Variants in ARHGAP35 observed in about 807,000 individuals in gnomAD.
ARHGAP35 encodes rho GTPase-activating protein 35.
In ARHGAP35, 15 loss-of-function variants were observed where a neutral mutation model predicts 111.1. The observed-to-expected ratio is 0.13, with a 90% CI of 0.09 to 0.21. ARHGAP35 has a LOEUF of 0.21. ARHGAP35 is among the 10% of genes least tolerant of loss of function. ARHGAP35 has a pLI of 1.00. For missense variants in ARHGAP35, 1,262 were observed against 1,873.0 expected (o/e 0.67, Z 6.02); for synonymous variants, 643 against 710.3 (o/e 0.91, Z 1.51).
intron 3 of ARHGAP35, among the ~76,000 whole-genome samples, chr19:46,974,218 A>G (rs1057273528): frequency 1.7e-4 from 26 of 152,174 alleles, no homozygotes; most frequent in Admixed American, 7.9e-4. Context: ...GTGTCTGTCT[A>G]GCAATTCATT....
chr19:46,910,997 C>T (rs1028617963), intron 1 of ARHGAP35, among the ~76,000 whole-genome samples: 5 of 152,170 alleles, frequency 3.3e-5, no homozygotes, highest in Middle Eastern at 3.2e-3. Flanking sequence ...TGAGCCACTG[C>T]GCCCTGCTCG....
In ARHGAP35 at chr19:46,918,459, T is replaced by C. The variant is rs144635535; in HGVS notation, c.-188-29T>C. On this transcript the variant is annotated intron_variant, in intron 1 of 6. Coordinates refer to ENST00000672722, the MANE Select transcript of ARHGAP35 (RefSeq NM_004491.5). This position sits in a 1 kb window ranked among gnomAD's most constrained non-coding sequence, Gnocchi z 5.4. ...TTTGGTTCTAAAATTATGATGCTGA[T>C]GGGTTTTCTTTTTTTTTCCCCCATC... 5.9e-3 allele frequency among the ~76,000 whole-genome samples: 892 copies of C among 152,304 alleles called. 2 individuals carry two copies. Among genetic ancestry groups the C allele is most frequent in the Non-Finnish European group, 9.2e-3 (629 of 68,022 alleles).
chr19:46,896,650 T>C (rs2056058298), intron 1 of ARHGAP35, among the ~76,000 whole-genome samples: 1 of 152,198 alleles, frequency 6.6e-6, no homozygotes, highest in Non-Finnish European at 1.5e-5. Flanking sequence ...GCCACGTGTG[T>C]GGGCCTCAGA....
At chr19:46,991,890 A>G (rs1327789833) in intron 5 of ARHGAP35, among the ~76,000 whole-genome samples, 1 of 152,212 alleles carries the variant, frequency 6.6e-6, no homozygotes, top group East Asian at 1.9e-4. Context: ...AATCCCTGAG[A>G]GCAATTGTGT....
At chr19:46,916,479 G>A (rs1364387186) in intron 1 of ARHGAP35, among the ~76,000 whole-genome samples, 2 of 152,006 alleles carry the variant, frequency 1.3e-5, no homozygotes, top group Non-Finnish European at 2.9e-5. Flanking sequence ...GCTGGGCTTG[G>A]GGACCTTTTA....
intron 3 of ARHGAP35, among the ~76,000 whole-genome samples, chr19:46,953,088 T>C (rs1296070335): frequency 6.6e-6 from 1 of 152,214 alleles, no homozygotes; most frequent in African/African-American, 2.4e-5. Flanking sequence ...CAAGTATATA[T>C]TGAGCATCTT....
intron 1 of ARHGAP35, among the ~76,000 whole-genome samples, chr19:46,861,466 C>CCCCCAT (rs2055826672): frequency 6.7e-6 from 1 of 148,156 alleles, no homozygotes; most frequent in Non-Finnish European, 1.5e-5. Flanking sequence ...CCCGCCGCCG[C>CCCCCAT]CCCCATCCCC....
chr19:46,970,378 A>G (rs1440666745), intron 3 of ARHGAP35, among the ~76,000 whole-genome samples: 1 of 152,152 alleles, frequency 6.6e-6, no homozygotes, highest in Non-Finnish European at 1.5e-5. Context: ...GGGGAGAGCA[A>G]ACTCACACCC....
intron 1 of ARHGAP35, among the ~76,000 whole-genome samples, chr19:46,915,650 G>C (rs2056158595): frequency 6.6e-6 from 1 of 152,150 alleles, no homozygotes; most frequent in Non-Finnish European, 1.5e-5. Context: ...ACATAAATGA[G>C]ATTCAGAAGA....
At chr19:46,944,949 T>G (rs1379687053) in intron 3 of ARHGAP35, among the ~76,000 whole-genome samples, 1 of 152,134 alleles carries the variant, frequency 6.6e-6, no homozygotes, top group African/African-American at 2.4e-5. Flanking sequence ...CTTCTGAAAA[T>G]CAGAATGTGG....
In ARHGAP35 at chr19:46,862,536, A is replaced by C. The variant is rs571971314; in HGVS notation, c.-189+1327A>C. On this transcript the variant is annotated intron_variant, in intron 1 of 6. Coordinates refer to ENST00000672722, the MANE Select transcript of ARHGAP35 (RefSeq NM_004491.5). The stretch of plus-strand genomic sequence containing the variant: ...GTCACCCATCCCCTTCCTGTTCTGC[A>C]TCTCACAGACCTGCCCCTAGATCCA... Among the ~76,000 whole-genome samples the C allele has an allele frequency of 1.1e-4, 16 of 151,772 alleles. No individual in the cohort carries two copies. In the South Asian group the frequency reaches 1.9e-3, roughly 18 times the overall value.
At chr19:46,917,895 G>A (rs200499246) in intron 1 of ARHGAP35, among the ~76,000 whole-genome samples, 1 of 152,012 alleles carries the variant, frequency 6.6e-6, no homozygotes, top group Non-Finnish European at 1.5e-5. Context: ...TGTATTTTTA[G>A]TACAGACGGG....
intron 3 of ARHGAP35, among the ~76,000 whole-genome samples, chr19:46,973,437 T>G (rs1301297271): frequency 1.3e-5 from 2 of 152,074 alleles, no homozygotes; most frequent in African/African-American, 4.8e-5. Flanking sequence ...ATCCCTGTAA[T>G]CCCAGCACTT....
intron 1 of ARHGAP35, among the ~76,000 whole-genome samples, chr19:46,912,831 C>T (rs2056145221): frequency 6.6e-6 from 1 of 151,686 alleles, no homozygotes; most frequent in Admixed American, 6.6e-5. Context: ...AAGTGTCTAC[C>T]AAATGCAAAC....
chr19:46,987,841 A>G, intron 3 of ARHGAP35, 148 bp from the exon 4 acceptor site: 1 of 645,882 alleles, frequency 1.5e-6, no homozygotes, highest in South Asian at 2.0e-5. Flanking sequence ...ATCTAGAAAA[A>G]TCAAACGAGA....
At chr19:46,982,214 T>G (rs1054960226) in intron 3 of ARHGAP35, among the ~76,000 whole-genome samples, 8 of 151,250 alleles carry the variant, frequency 5.3e-5, no homozygotes, top group Non-Finnish European at 1.2e-4. Flanking sequence ...CGGTGGCTCA[T>G]GCCTGTAATC....
chr19:46,865,044 A>G (rs11668390), intron 1 of ARHGAP35, among the ~76,000 whole-genome samples: 9,603 of 152,260 alleles, frequency 0.063, 442 homozygotes, highest in East Asian at 0.17. Context: ...TTCCACCTTA[A>G]CTGGTAACCG....
Position 46,901,750 on chromosome 19 carries a change from T to C in ARHGAP35, c.-188-16738T>C, listed in dbSNP as rs1389790939. On this transcript the variant is annotated intron_variant, in intron 1 of 6. Transcript: ENST00000672722. The surrounding 1 kb of genome is among the most constrained non-coding windows in gnomAD (Gnocchi z 4.5). The stretch of plus-strand genomic sequence containing the variant: ...CAAGGGTAGGCATTGATTGTTATCA[T>C]TCTGATTATACTTGCATGCACTTAG... Among the ~76,000 whole-genome samples the C allele has an allele frequency of 6.6e-6, 1 of 152,218 alleles. No individual in the cohort carries two copies. Among genetic ancestry groups the C allele is most frequent in the Non-Finnish European group, 1.5e-5 (1 of 68,044 alleles).
At chr19:46,979,367 C>A (rs932271558) in intron 3 of ARHGAP35, among the ~76,000 whole-genome samples, 2 of 152,148 alleles carry the variant, frequency 1.3e-5, no homozygotes, top group African/African-American at 4.8e-5. Context: ...TTTTGCAGAG[C>A]GCAGTCGGCT....
Sources: gnomAD v4.1 joint callset for allele counts (sites outside exome capture counted in the v4.1 genomes callset) on GRCh38, gnomAD v4.1.1 for gene constraint, Gnocchi (gnomAD v3.1) non-coding constraint, MANE v1.5 for transcripts, NCBI Gene and HGNC (gene_info 2026-07-23, HGNC 2026-07-21) for gene names.